Variants in SCP2 observed in about 807,000 individuals in gnomAD.
SCP2 encodes the protein SCP-2/3-oxoacyl-CoA thiolase.
In SCP2, 48 loss-of-function variants were observed where a neutral mutation model predicts 71.4. The observed-to-expected ratio is 0.67, with a 90% CI of 0.53 to 0.86. The LOEUF (loss-of-function observed/expected upper bound fraction) is 0.86, where lower values mean the gene tolerates loss of function less well. SCP2 is among the 40% of genes least tolerant of loss of function. The probability of loss-of-function intolerance (pLI) is 0.00; values close to 1 mark genes in which losing one functional copy is unlikely to be tolerated. For missense variants in SCP2, 560 were observed against 655.6 expected, an observed-to-expected ratio of 0.85 and a Z score of 1.59; for synonymous variants, 220 against 218.1, an observed-to-expected ratio of 1.01 and a Z score of -0.08.
chr1:52,953,557 A>G (rs960346071), intron 4 of SCP2, among the ~76,000 whole-genome samples: 6 of 151,924 alleles, frequency 3.9e-5, no homozygotes, highest in African/African-American at 1.5e-4. Flanking sequence ...TGTTGCCCAG[A>G]CTGGTCTTGA....
intron 4 of SCP2, among the ~76,000 whole-genome samples, chr1:52,952,708 A>T (rs1433021925): frequency 6.6e-6 from 1 of 152,082 alleles, no homozygotes; most frequent in Non-Finnish European, 1.5e-5. Flanking sequence ...CTGAGGCTGC[A>T]GTTTGCTATG....
chr1:52,950,200 C>T (rs962996801), intron 3 of SCP2, among the ~76,000 whole-genome samples: 2 of 152,140 alleles, frequency 1.3e-5, no homozygotes, highest in Non-Finnish European at 2.9e-5. Flanking sequence ...AGGCTCACTG[C>T]AACCTCTGCC....
chr1:53,007,339 A>G (rs1364212845), intron 11 of SCP2, among the ~76,000 whole-genome samples: 4 of 152,184 alleles, frequency 2.6e-5, no homozygotes, highest in Non-Finnish European at 5.9e-5. Context: ...TCTCAGCACC[A>G]CATCACACTT....
At chr1:53,030,029 C>T (rs1662422090) in intron 13 of SCP2, among the ~76,000 whole-genome samples, 1 of 152,064 alleles carries the variant, frequency 6.6e-6, no homozygotes, top group Non-Finnish European at 1.5e-5. Flanking sequence ...GCTGGCATTA[C>T]AGGCACGTGC....
At chr1:53,046,805 T>C (rs1361940929) in intron 14 of SCP2, among the ~76,000 whole-genome samples, 1 of 152,226 alleles carries the variant, frequency 6.6e-6, no homozygotes, top group Non-Finnish European at 1.5e-5. Flanking sequence ...AAATATTTAG[T>C]GTCTGATCTG....
At chr1:52,974,342 C>T (rs1657758411) in intron 6 of SCP2, among the ~76,000 whole-genome samples, 1 of 151,988 alleles carries the variant, frequency 6.6e-6, no homozygotes, top group South Asian at 2.1e-4. Flanking sequence ...TCTGTTTTAT[C>T]ATAAGGAAAG....
chr1:53,043,463 G>A (rs1663571860), intron 14 of SCP2, among the ~76,000 whole-genome samples: 3 of 152,232 alleles, frequency 2.0e-5, no homozygotes, highest in Non-Finnish European at 2.9e-5. Context: ...AAACTGAGCT[G>A]TTGAATGTTT....
intron 5 of SCP2, among the ~76,000 whole-genome samples, chr1:52,960,574 A>G (rs1281265594): frequency 2.7e-5 from 4 of 146,762 alleles, no homozygotes; most frequent in African/African-American, 1.0e-4. Flanking sequence ...ATGTATATAT[A>G]TGTATATATG....
intron 6 of SCP2, among the ~76,000 whole-genome samples, chr1:52,965,533 T>C (rs1177042262): frequency 6.6e-6 from 1 of 152,226 alleles, no homozygotes; most frequent in East Asian, 1.9e-4. Context: ...CTAAATACCT[T>C]CTTTAATTCC....
intron 10 of SCP2, among the ~76,000 whole-genome samples, chr1:52,987,433 A>G: frequency 6.6e-6 from 1 of 152,186 alleles, no homozygotes; most frequent in East Asian, 1.9e-4. Context: ...AATTTTATAC[A>G]ATACATCCAT....
chr1:53,050,645 A>G lies in SCP2; in HGVS notation c.1585A>G (p.Met529Val), dbSNP rs1456052095. 2 of 1,613,702 alleles carry G rather than the reference A, an allele frequency of 1.2e-6. No homozygotes were observed. The highest frequency in any genetic ancestry group is 1.7e-6 in the Non-Finnish European group (2 of 1,179,674). ...FQGKLKITGNMGLAMKLQNLQ... is the reference protein window; with the variant it reads ...FQGKLKITGNVGLAMKLQNLQ... ...AGGCAAATTGAAAATCACTGGCAAC[A>G]TGGGTCTCGCTATGAAGTTACAAAA... Residue 529 changes from methionine to valine, a missense_variant, in exon 16 of 16, where the codon ATG becomes GTG. Physicochemically the swap from Met to Val is conservative, Grantham distance 21. Coordinates refer to ENST00000371514, the MANE Select transcript of SCP2 (RefSeq NM_002979.5).
intron 10 of SCP2, among the ~76,000 whole-genome samples, chr1:52,983,370 G>A (rs1025567799): frequency 1.3e-5 from 2 of 152,054 alleles, no homozygotes; most frequent in Admixed American, 1.3e-4. Flanking sequence ...TACCAAATTT[G>A]GCAAGTTTTC....
intron 4 of SCP2, among the ~76,000 whole-genome samples, chr1:52,953,509 C>T (rs936530447): frequency 3.3e-5 from 5 of 151,986 alleles, no homozygotes; most frequent in African/African-American, 1.2e-4. Context: ...CCATACCCAA[C>T]TAATTTTTGT....
At chr1:53,048,092 G>A in intron 15 of SCP2, 155 bp downstream of exon 15, 1 of 668,830 alleles carries the variant, frequency 1.5e-6, no homozygotes, top group African/African-American at 1.8e-5. Context: ...CAAGCTGTGT[G>A]CCACACACTG....
At chr1:52,951,390 C>G (rs1655286581) in intron 4 of SCP2, among the ~76,000 whole-genome samples, 2 of 151,506 alleles carry the variant, frequency 1.3e-5, no homozygotes, top group Admixed American at 1.3e-4. Flanking sequence ...CACTTGAGCC[C>G]AGGAGTTCAA....
At chr1:53,039,938 C>G (rs1663301231) in intron 14 of SCP2, among the ~76,000 whole-genome samples, 1 of 152,142 alleles carries the variant, frequency 6.6e-6, no homozygotes. Context: ...ATTTCTTCTC[C>G]CCTCTAAGTA....
chr1:52,959,425 C>T (rs1210125408), intron 5 of SCP2, among the ~76,000 whole-genome samples: 4 of 151,962 alleles, frequency 2.6e-5, no homozygotes, highest in African/African-American at 9.7e-5. Flanking sequence ...GAACTCCCGA[C>T]CTCAGGTGAT....
chr1:52,943,666 A>G (rs192774668), intron 2 of SCP2: 350 of 435,916 alleles, frequency 8.0e-4, no homozygotes, highest in Middle Eastern at 1.6e-3. Context: ...GCAAAGCACC[A>G]ATAGCTGCAC....
At chr1:52,942,447 C>A (rs907559323) in intron 2 of SCP2, among the ~76,000 whole-genome samples, 2 of 152,096 alleles carry the variant, frequency 1.3e-5, no homozygotes, top group African/African-American at 4.8e-5. Flanking sequence ...GTTCTCTAAG[C>A]ATTCAGCATT....
Sources: allele counts gnomAD v4.1 joint callset (sites outside exome capture counted in the v4.1 genomes callset), GRCh38; gene constraint gnomAD v4.1.1; transcripts MANE v1.5; gene names NCBI Gene and HGNC (gene_info 2026-07-23, HGNC 2026-07-21).